UGT1A10: variants seen among roughly 807,000 people sequenced by gnomAD.
UGT1A10 encodes UDP-glucuronosyltransferase 1A10.
UGT1A10 carries 49 observed loss-of-function variants against 45.8 expected under a neutral mutation model. The observed-to-expected ratio is 1.07, with a 90% CI of 0.85 to 1.36. UGT1A10 has a LOEUF of 1.36. UGT1A10 is among the 40% of genes most tolerant of loss of function. UGT1A10 has a pLI of 0.00. For missense variants in UGT1A10, 745 were observed against 668.6 expected, an observed-to-expected ratio of 1.11 and a Z score of -1.26; for synonymous variants, 284 against 249.7, an observed-to-expected ratio of 1.14 and a Z score of -1.29.
At chr2:233,671,229 C>G (rs1409979461) in intron 1 of UGT1A10, among the ~76,000 whole-genome samples, 4 of 152,120 alleles carry the variant, frequency 2.6e-5, no homozygotes, top group African/African-American at 9.7e-5. Context: ...AGTGCTCTCG[C>G]AAGGATTGGG....
chr2:233,695,902 G>T (rs184289698), intron 1 of UGT1A10, among the ~76,000 whole-genome samples: 229 of 151,998 alleles, frequency 1.5e-3, no homozygotes, highest in African/African-American at 4.9e-3. Context: ...AATGTGTGGG[G>T]TTTTTTTTCT....
chr2:233,712,443 C>G (rs1223728357), intron 1 of UGT1A10, among the ~76,000 whole-genome samples: 1 of 152,142 alleles, frequency 6.6e-6, no homozygotes, highest in East Asian at 1.9e-4. Context: ...TGAAAAACGA[C>G]CAAAACCAGA....
intron 1 of UGT1A10, among the ~76,000 whole-genome samples, chr2:233,701,256 A>T (rs2075619481): frequency 6.6e-6 from 1 of 152,150 alleles, no homozygotes; most frequent in African/African-American, 2.4e-5. Context: ...GGCTGGGTCA[A>T]ATGGTATTTC....
intron 1 of UGT1A10, among the ~76,000 whole-genome samples, chr2:233,683,102 A>G (rs1326746193): frequency 1.3e-5 from 2 of 152,156 alleles, no homozygotes; most frequent in Non-Finnish European, 2.9e-5. Flanking sequence ...CTAATTCTAC[A>G]CTACCCCCAG....
At chr2:233,689,532 G>T (rs1270409073) in intron 1 of UGT1A10, among the ~76,000 whole-genome samples, 4 of 152,224 alleles carry the variant, frequency 2.6e-5, no homozygotes, top group Admixed American at 2.0e-4. Context: ...CATGAGAAGT[G>T]AGGGCTTGCA....
In UGT1A10 at chr2:233,719,228, C is replaced by G. The variant is rs756302430; in HGVS notation, c.856-47806C>G. Reference sequence around the variant, plus strand: ...GTGTGGAGCTACTGCATAATGAGGCCCTGATCAGGCACCTGAATGCTACTT... The same window carrying G: ...GTGTGGAGCTACTGCATAATGAGGCGCTGATCAGGCACCTGAATGCTACTT... On this transcript the variant is annotated intron_variant, in intron 1 of 4. Transcript: ENST00000344644. 3 of 1,614,146 alleles carry G rather than the reference C, an allele frequency of 1.9e-6. No individual in the cohort carries two copies. The Admixed American group carries it at 5.0e-5, about 27-fold the overall frequency.
intron 1 of UGT1A10, chr2:233,744,008 G>T (rs1692645925): frequency 1.7e-6 from 2 of 1,163,288 alleles, no homozygotes; most frequent in South Asian, 2.8e-5. Flanking sequence ...CGGAGACCTG[G>T]GCCGCCTGGA....
At chr2:233,755,199 C>A (rs1448845057) in intron 1 of UGT1A10, 6 of 1,106,350 alleles carry the variant, frequency 5.4e-6, no homozygotes, top group South Asian at 1.2e-5. Flanking sequence ...CGCCAGCTTG[C>A]GGTACGCCTT....
At chr2:233,686,603 T>C (rs1019281433) in intron 1 of UGT1A10, among the ~76,000 whole-genome samples, 2 of 151,706 alleles carry the variant, frequency 1.3e-5, no homozygotes, top group African/African-American at 2.4e-5. Context: ...TCTTTGACTG[T>C]CTCTCTCTCT....
chr2:233,659,873 C>A (rs987550324), intron 1 of UGT1A10, among the ~76,000 whole-genome samples: 2 of 152,194 alleles, frequency 1.3e-5, no homozygotes, highest in African/African-American at 2.4e-5. Flanking sequence ...AATTTATTTT[C>A]TGACACTGCT....
intron 1 of UGT1A10, chr2:233,718,043 G>A (rs1022101837): frequency 1.5e-4 from 57 of 375,810 alleles, no homozygotes; most frequent in Non-Finnish European, 6.8e-5. Context: ...GTGAGCAGGA[G>A]CTCCCTGAAC....
At chr2:233,699,296 C>A (rs2075497064) in intron 1 of UGT1A10, among the ~76,000 whole-genome samples, 1 of 152,170 alleles carries the variant, frequency 6.6e-6, no homozygotes, top group Admixed American at 6.5e-5. Context: ...CTGGGACACT[C>A]TTATGCTGTC....
intron 1 of UGT1A10, chr2:233,712,947 G>A: frequency 1.2e-6 from 2 of 1,612,674 alleles, no homozygotes; most frequent in South Asian, 1.1e-5. Context: ...ATTCTAGGAG[G>A]CACAACGTGG....
chr2:233,657,669 G>T (rs1323554167), intron 1 of UGT1A10, among the ~76,000 whole-genome samples: 1 of 152,152 alleles, frequency 6.6e-6, no homozygotes, highest in East Asian at 1.9e-4. Context: ...TATATCATTT[G>T]ATATGGTCAG....
At position 233,768,623 on chromosome 2, in the gene UGT1A10, G is replaced by A. The variant is rs1319443320; in HGVS notation, c.1295+184G>A. On this transcript the variant is annotated intron_variant, in intron 4 of 4. Coordinates refer to ENST00000344644, the MANE Select transcript of UGT1A10 (RefSeq NM_019075.4). ...TTTTTTTGAGATGGAGTCTTGCTCT[G>A]TCACCTAGGCTGGAGTGCAGTGGTG... Among the ~76,000 whole-genome samples, 3 of 112,724 alleles carry A rather than the reference G, an allele frequency of 2.7e-5. No individual in the cohort carries two copies. The Admixed American group carries it at 3.9e-4, about 15-fold the overall frequency. The allele number at this position is 112,724 out of a possible 152,430, so 74.0% of individuals were successfully genotyped here.
chr2:233,663,789 AG>A (rs1226679036), intron 1 of UGT1A10, among the ~76,000 whole-genome samples: 1 of 152,178 alleles, frequency 6.6e-6, no homozygotes, highest in Non-Finnish European at 1.5e-5. Context: ...AGCAAGATGG[AG>A]TCAGTTAAGT....
At chr2:233,718,543 A>G (rs2076662148) in intron 1 of UGT1A10, among the ~76,000 whole-genome samples, 1 of 152,222 alleles carries the variant, frequency 6.6e-6, no homozygotes. Flanking sequence ...TTGGGAATTG[A>G]ATGAGAAAGA....
At chr2:233,676,139 C>G (rs117461187) in intron 1 of UGT1A10, among the ~76,000 whole-genome samples, 1 of 152,138 alleles carries the variant, frequency 6.6e-6, no homozygotes, top group East Asian at 1.9e-4. Context: ...GGTCCTTGAG[C>G]TCCAGCGTCA....
In UGT1A10 at chr2:233,666,852, A is replaced by G. The variant is rs1575411800; in HGVS notation, c.855+29475A>G. 3.0e-5 allele frequency among the ~76,000 whole-genome samples: 4 copies of G among 132,466 alleles called. 1 individual carries two copies. Among genetic ancestry groups the G allele is most frequent in the Admixed American group, 2.8e-4 (3 of 10,652 alleles). 86.9% of individuals were successfully genotyped at this position (132,466 alleles called of 152,430 possible). ...GTGTGATGTTCACCTTCCTGTGTCC[A>G]TGTGTTCTCATTGTTCAATTCCTAC... On this transcript the variant is annotated intron_variant, in intron 1 of 4. Coordinates refer to ENST00000344644, the MANE Select transcript of UGT1A10 (RefSeq NM_019075.4).
Sources: gnomAD v4.1 joint callset for allele counts (sites outside exome capture counted in the v4.1 genomes callset) on GRCh38, gnomAD v4.1.1 for gene constraint, MANE v1.5 for transcripts, NCBI Gene and HGNC (gene_info 2026-07-23, HGNC 2026-07-21) for gene names.